The following DMD variants were observed in gnomAD, a reference collection of about 807,000 sequenced individuals.
DMD encodes mutant dystrophin.
In DMD, 63 loss-of-function variants were observed where a neutral mutation model predicts 330.1. That is an observed-to-expected ratio of 0.19 (90% CI 0.16 to 0.24). The LOEUF (loss-of-function observed/expected upper bound fraction) is 0.24, where lower values mean the gene tolerates loss of function less well. Among genes scored for constraint, DMD ranks in the 10% least tolerant of loss-of-function variants. The probability of loss-of-function intolerance (pLI) is 1.00; values close to 1 mark genes in which losing one functional copy is unlikely to be tolerated. For missense variants in DMD, 3,344 were observed against 2,684.1 expected, an observed-to-expected ratio of 1.25 and a Z score of -5.43; for synonymous variants, 1,223 against 959.8, an observed-to-expected ratio of 1.27 and a Z score of -5.07.
At chrX:32,962,215 AC>A (rs1386955884) in intron 2 of DMD, among the ~76,000 whole-genome samples, 1 of 111,970 alleles carries the variant, frequency 8.9e-6, no homozygotes, top group Non-Finnish European at 1.9e-5. Context: ...TGCAGCTAGT[AC>A]TATATTCACA....
intron 62 of DMD, chrX:31,261,670 T>G (rs1379621895): frequency 2.7e-5 from 3 of 112,404 alleles, no homozygotes; most frequent in Admixed American, 9.4e-5. Context: ...TACTTGGGCC[T>G]GAATGAAGCA....
intron 53 of DMD, among the ~76,000 whole-genome samples, chrX:31,671,953 C>A (rs2081824379): frequency 9.0e-6 from 1 of 110,975 alleles, no homozygotes; most frequent in Non-Finnish European, 1.9e-5. Context: ...TGTAGATTTA[C>A]TTTTCTCTTC....
At chrX:33,337,542 C>A (rs765309791) in intron 1 of DMD, among the ~76,000 whole-genome samples, 21 of 111,622 alleles carry the variant, frequency 1.9e-4, no homozygotes, top group African/African-American at 5.8e-4. Flanking sequence ...AAAAAAAATT[C>A]TTTGCTGCTA....
intron 11 of DMD, among the ~76,000 whole-genome samples, chrX:32,639,754 T>A (rs1378570035): frequency 2.7e-5 from 3 of 112,065 alleles, no homozygotes; most frequent in African/African-American, 9.7e-5. Context: ...AGCATATTTT[T>A]AAATGTTGCC....
At position 33,298,560 on chromosome X, in the gene DMD, G is replaced by A. The variant is rs926740171; in HGVS notation, c.7+40699C>T. ...TTGCTGTTTTGGCTGCAAAACAATCGTCAATGTTGAGCGTATCGGACACTT... is the reference window on the plus strand; with the variant it reads ...TTGCTGTTTTGGCTGCAAAACAATCATCAATGTTGAGCGTATCGGACACTT... On this transcript the variant is annotated intron_variant, in intron 1 of 17. Coordinates refer to the DMD transcript ENST00000288447. Among the ~76,000 whole-genome samples the A allele has an allele frequency of 4.5e-5, 5 of 111,731 alleles. No individual in the cohort carries two copies. The East Asian group carries it at 1.1e-3, about 25-fold the overall frequency.
chrX:33,298,807 C>T (rs1243510781), intron 1 of DMD, among the ~76,000 whole-genome samples: 1 of 111,591 alleles, frequency 9.0e-6, no homozygotes, highest in Non-Finnish European at 1.9e-5. Flanking sequence ...CACAGTAAAA[C>T]ATTCAATGGC....
chrX:31,758,508 G>A (rs946495409), intron 51 of DMD, among the ~76,000 whole-genome samples: 9 of 111,188 alleles, frequency 8.1e-5, no homozygotes, highest in Non-Finnish European at 1.7e-4. Context: ...GAAGCTCTTA[G>A]AAAACAATTA....
intron 44 of DMD, among the ~76,000 whole-genome samples, chrX:32,148,620 T>C (rs1289723382): frequency 9.0e-6 from 1 of 111,083 alleles, no homozygotes; most frequent in Non-Finnish European, 1.9e-5. Flanking sequence ...AAAAGATTAT[T>C]GTAAAAGATG....
At chrX:32,781,125 GA>G (rs59738615) in intron 7 of DMD, among the ~76,000 whole-genome samples, 6,088 of 56,987 alleles carry the variant, frequency 0.11, 563 homozygotes, top group African/African-American at 0.3. Context: ...CTCAAAAAAA[GA>G]AAAAAAAAAA....
intron 5 of DMD, among the ~76,000 whole-genome samples, chrX:32,820,431 G>A (rs896070599): frequency 9.0e-6 from 1 of 111,106 alleles, no homozygotes; most frequent in Non-Finnish European, 1.9e-5. Flanking sequence ...GACAGAGCGA[G>A]ACTCTGTCTC....
In DMD at chrX:32,014,576, T is replaced by C. The variant is rs756126583; in HGVS notation, c.6439-46062A>G. On this transcript the variant is annotated intron_variant, in intron 44 of 78. Coordinates refer to ENST00000357033, the MANE Select transcript of DMD (RefSeq NM_004006.3). ...GTTGCTAACTTCTCTATAGTACAGTTTTCTCACCTGATAAGCAAGGAGGAT... is the reference window on the plus strand; with the variant it reads ...GTTGCTAACTTCTCTATAGTACAGTCTTCTCACCTGATAAGCAAGGAGGAT... 2.4e-4 allele frequency among the ~76,000 whole-genome samples: 27 copies of C among 111,772 alleles called. No homozygotes were observed. In the South Asian group the frequency reaches 0.01, roughly 42 times the overall value.
intron 2 of DMD, among the ~76,000 whole-genome samples, chrX:32,928,026 T>C (rs2089228533): frequency 9.0e-6 from 1 of 111,198 alleles, no homozygotes; most frequent in East Asian, 2.8e-4. Flanking sequence ...ATATAATCAA[T>C]TGTATGCATG....
rs184447372 is a variant in DMD at position 32,047,907 on chromosome X, T to C, written c.6439-79393A>G. ...AAAACTAGTGAAATGGAAGAATGCA[T>C]TGAAATTTAATTGTTGGTATCTTCA... is the stretch of plus-strand genomic sequence containing the variant. On this transcript the variant is annotated intron_variant, in intron 44 of 78. Transcript: ENST00000357033. 1.8e-3 allele frequency among the ~76,000 whole-genome samples: 196 copies of C among 109,125 alleles called. 1 individual carries two copies. The highest frequency in any genetic ancestry group is 6.3e-3 in the African/African-American group (188 of 30,026). 94.8% of individuals were successfully genotyped at this position (109,125 alleles called of 115,157 possible).
intron 9 of DMD, among the ~76,000 whole-genome samples, chrX:32,661,323 A>T (rs1352897258): frequency 9.0e-6 from 1 of 110,856 alleles, no homozygotes. Flanking sequence ...GGATGGTGTA[A>T]GCACTCCACT....
At chrX:32,654,940 G>C (rs1009012738) in intron 9 of DMD, among the ~76,000 whole-genome samples, 4 of 111,889 alleles carry the variant, frequency 3.6e-5, no homozygotes, top group Non-Finnish European at 7.5e-5. Context: ...TTGCGTAGAG[G>C]TGTTTACAGT....
intron 35 of DMD, 39 bp from the exon 36 acceptor site, chrX:32,364,749 G>C (rs768511843): frequency 8.5e-7 from 1 of 1,178,433 alleles, no homozygotes; most frequent in Non-Finnish European, 1.1e-6. Flanking sequence ...TTATTGGTTA[G>C]ACAATATTCT....
chrX:31,260,317 C>T (rs780461027), intron 63 of DMD, among the ~76,000 whole-genome samples: 5 of 111,990 alleles, frequency 4.5e-5, no homozygotes, highest in Non-Finnish European at 5.6e-5. Context: ...AAACGACAAA[C>T]CAGACATCTG....
chrX:33,175,007 GCTTT>G (rs1233450784), intron 1 of DMD, among the ~76,000 whole-genome samples: 1 of 111,723 alleles, frequency 9.0e-6, no homozygotes, highest in Non-Finnish European at 1.9e-5. Context: ...GGTTGGCTTA[GCTTT>G]CTTTCTCAGC....
intron 56 of DMD, among the ~76,000 whole-genome samples, chrX:31,505,573 T>C (rs2070853908): frequency 9.0e-6 from 1 of 111,556 alleles, no homozygotes; most frequent in South Asian, 3.8e-4. Flanking sequence ...TGCTACGGTA[T>C]CATATGGTGG....
Sources: gnomAD v4.1 joint callset for allele counts (sites outside exome capture counted in the v4.1 genomes callset) on GRCh38, gnomAD v4.1.1 for gene constraint, MANE v1.5 for transcripts, NCBI Gene and HGNC (gene_info 2026-07-23, HGNC 2026-07-21) for gene names.